NEXMIF: variants seen among roughly 807,000 people sequenced by gnomAD.
NEXMIF encodes the protein XLMR protein related to neurite extension.
NEXMIF carries 8 observed loss-of-function variants against 62.1 expected under a neutral mutation model. The ratio of observed to expected loss-of-function variants is 0.13; its 90% CI spans 0.08 to 0.23. The LOEUF (loss-of-function observed/expected upper bound fraction) is 0.23. Ranked by LOEUF, NEXMIF falls within the 10% of genes least tolerant of loss-of-function variation. NEXMIF has a pLI of 1.00. For missense variants in NEXMIF, 976 were observed against 1,113.3 expected, an observed-to-expected ratio of 0.88 and a Z score of 1.75; for synonymous variants, 404 against 416.6, an observed-to-expected ratio of 0.97 and a Z score of 0.37.
rs1956449209 is a variant in NEXMIF, at chrX:74,735,127, G to A, written c.*4278C>T. On this transcript the variant is annotated 3_prime_UTR_variant, in exon 4 of 4. Transcript: ENST00000055682. ...TCACATTAGTTTTATTTTATAAAAA[G>A]AACATATTTCTGTAGTGATGGGCAG... 1 of 111,738 alleles carries A rather than the reference G, an allele frequency of 8.9e-6. No homozygotes were observed. The highest frequency in any genetic ancestry group is 1.9e-5 in the Non-Finnish European group (1 of 53,020). 9.2% of individuals were successfully genotyped at this position (111,738 alleles called of 1,213,427 possible).
chrX:74,828,643 T>A (rs2080426049), intron 1 of NEXMIF, among the ~76,000 whole-genome samples: 2 of 112,011 alleles, frequency 1.8e-5, no homozygotes, highest in African/African-American at 6.5e-5. Context: ...TAAAATAGCC[T>A]ATGATAGCTT....
chrX:74,874,728 C>T (rs2080621904), intron 1 of NEXMIF, among the ~76,000 whole-genome samples: 1 of 92,014 alleles, frequency 1.1e-5, no homozygotes, highest in Non-Finnish European at 2.1e-5. Flanking sequence ...AAGTTGGATT[C>T]CTAGGTATTT....
rs191460349 is a variant in NEXMIF, at chrX:74,857,149, G to A, written c.-48+67734C>T. On this transcript the variant is annotated intron_variant, in intron 1 of 3. Coordinates refer to ENST00000055682, the MANE Select transcript of NEXMIF (RefSeq NM_001008537.3). ...GCTGAGCTGGGCTTAGAGCTAGTGG[G>A]CTTGGAGGGCATGTAACATACACAA... 3.2e-3 allele frequency among the ~76,000 whole-genome samples: 362 copies of A among 112,010 alleles called. 2 individuals are homozygous for A. Among genetic ancestry groups the A allele is most frequent in the African/African-American group, 0.011 (345 of 30,821 alleles).
At chrX:74,794,554 G>A (rs1372939732) in intron 1 of NEXMIF, among the ~76,000 whole-genome samples, 1 of 112,490 alleles carries the variant, frequency 8.9e-6, no homozygotes, top group African/African-American at 3.2e-5. Flanking sequence ...CCTGGGCAAT[G>A]GCGAGCGCCC....
chrX:74,823,933 T>TG (rs1491279619), intron 1 of NEXMIF, among the ~76,000 whole-genome samples: 2 of 111,809 alleles, frequency 1.8e-5, no homozygotes, highest in Non-Finnish European at 3.8e-5. Flanking sequence ...GAAAACCAAC[T>TG]TATATCAACT....
In NEXMIF at chrX:74,743,344, C is replaced by T; in HGVS notation, c.1213G>A (p.Glu405Lys). The change falls in exon 3 of 4, where the codon GAA (glutamate) becomes AAA (lysine). Residue 405 changes from glutamate (E) to lysine (K), a missense_variant. Coordinates refer to ENST00000055682, the MANE Select transcript of NEXMIF (RefSeq NM_001008537.3). ...CATGGTTTATTTAAGGCAGGCTTTT[C>T]TCCATTATCCTTTCCATCTTTCTTC... ...VEKKDGKDNGEKPALNKPCSG... is the reference protein window; with the variant it reads ...VEKKDGKDNGKKPALNKPCSG... The T allele has an allele frequency of 8.3e-7, 1 of 1,211,312 alleles. No individual in the cohort carries two copies. Among genetic ancestry groups the T allele is most frequent in the Non-Finnish European group, 1.1e-6 (1 of 895,377 alleles).
chrX:74,758,251 C>T (rs761228691), intron 1 of NEXMIF, among the ~76,000 whole-genome samples: 1 of 110,566 alleles, frequency 9.0e-6, no homozygotes, highest in Admixed American at 9.7e-5. Flanking sequence ...AATTAATAAT[C>T]TACAGAGACA....
intron 1 of NEXMIF, among the ~76,000 whole-genome samples, chrX:74,810,655 A>G (rs1167021987): frequency 2.8e-5 from 3 of 109,087 alleles, no homozygotes; most frequent in African/African-American, 1.0e-4. Flanking sequence ...AAAAAAGGAA[A>G]TCTGTCTGGG....
chrX:74,787,598 C>T (rs1007716636), intron 1 of NEXMIF, among the ~76,000 whole-genome samples: 12 of 111,828 alleles, frequency 1.1e-4, no homozygotes, highest in African/African-American at 3.9e-4. Flanking sequence ...TACATACAGG[C>T]CCACACATAC....
chrX:74,841,676 T>C (rs1227045581), intron 1 of NEXMIF, among the ~76,000 whole-genome samples: 1 of 111,785 alleles, frequency 8.9e-6, no homozygotes, highest in Non-Finnish European at 1.9e-5. Flanking sequence ...TTATTGAGAG[T>C]TTTTAACATA....
At chrX:74,904,181 T>C (rs2080758809) in intron 1 of NEXMIF, among the ~76,000 whole-genome samples, 1 of 110,890 alleles carries the variant, frequency 9.0e-6, no homozygotes, top group Non-Finnish European at 1.9e-5. Flanking sequence ...GGGGAGTATA[T>C]TAGAGTGACC....
chrX:74,872,928 TTTA>T (rs1437773611), intron 1 of NEXMIF, among the ~76,000 whole-genome samples: 9 of 110,607 alleles, frequency 8.1e-5, no homozygotes, highest in Non-Finnish European at 1.3e-4. Flanking sequence ...GCCTTATTTT[TTTA>T]TTTTTTATTT....
Position 74,740,360 on chromosome X carries a change from G to T in NEXMIF, c.4197C>A (p.Ser1399Arg), listed in dbSNP as rs774480770. ...TKNHRSIKGV[S>R]KSNGKTAIGD... Reference sequence around the variant, plus strand: ...CTATTGCTGTTTTCCCATTGCTTTTGCTCACACCCTTGATTGACCTGTGAT... The same window carrying T: ...CTATTGCTGTTTTCCCATTGCTTTTTCTCACACCCTTGATTGACCTGTGAT... Residue 1399 changes from serine (S) to arginine (R), a missense_variant, in exon 3 of 4, where the codon AGC becomes AGA. By Grantham distance (110) the Ser-to-Arg change is moderately radical. This residue lies in a region of NEXMIF where 137 missense variants were observed against 128.9 expected (regional missense o/e 1.06). Coordinates refer to ENST00000055682, the MANE Select transcript of NEXMIF (RefSeq NM_001008537.3). 1 of 1,211,836 alleles carries T rather than the reference G, an allele frequency of 8.3e-7. No homozygotes were observed. The highest frequency in any genetic ancestry group is 1.8e-5 in the South Asian group (1 of 57,002).
At chrX:74,912,404 C>CT (rs1487545727) in intron 1 of NEXMIF, among the ~76,000 whole-genome samples, 2 of 112,000 alleles carry the variant, frequency 1.8e-5, no homozygotes, top group Non-Finnish European at 3.8e-5. Flanking sequence ...TAACTGCCAT[C>CT]TAATAGGGAA....
At chrX:74,753,721 A>T (rs2080150896) in intron 1 of NEXMIF, among the ~76,000 whole-genome samples, 1 of 109,329 alleles carries the variant, frequency 9.1e-6, no homozygotes, top group Non-Finnish European at 1.9e-5. Flanking sequence ...ACACGCACAC[A>T]CACACACACA....
At chrX:74,789,210 T>C (rs2080270342) in intron 1 of NEXMIF, among the ~76,000 whole-genome samples, 1 of 101,039 alleles carries the variant, frequency 9.9e-6, no homozygotes, top group Non-Finnish European at 2.0e-5. Context: ...CACCTATGAG[T>C]GAGAATATGC....
At chrX:74,757,429 T>C (rs1240316488) in intron 1 of NEXMIF, among the ~76,000 whole-genome samples, 3 of 112,177 alleles carry the variant, frequency 2.7e-5, no homozygotes, top group African/African-American at 9.7e-5. Flanking sequence ...AGGCTTCCCT[T>C]TTGCCATTAT....
rs189593666 is a variant in NEXMIF, at chrX:74,865,727, C to T, written c.-48+59156G>A. 2.0e-3 allele frequency among the ~76,000 whole-genome samples: 226 copies of T among 112,064 alleles called. 3 individuals are homozygous for T. The highest frequency in any genetic ancestry group is 1.4e-3 in the Non-Finnish European group (72 of 53,233). On this transcript the variant is annotated intron_variant, in intron 1 of 3. Coordinates refer to ENST00000055682, the MANE Select transcript of NEXMIF (RefSeq NM_001008537.3). ...AGGGACTTGGAGACCTGCATCCCAG[C>T]CTCTCTAGCCATGGCTAAAGTACAG...
At chrX:74,774,133 G>A (rs184029508) in intron 1 of NEXMIF, among the ~76,000 whole-genome samples, 158 of 110,530 alleles carry the variant, frequency 1.4e-3, no homozygotes, top group Non-Finnish European at 2.0e-3. Context: ...TCTAACTAAA[G>A]TTAAGGAATT....
Sources: allele counts gnomAD v4.1 joint callset (sites outside exome capture counted in the v4.1 genomes callset), GRCh38; gene constraint gnomAD v4.1.1; regional missense constraint gnomAD v4.1.1; transcripts MANE v1.5; gene names NCBI Gene and HGNC (gene_info 2026-07-23, HGNC 2026-07-21).